The following GSPT1 variants were observed in gnomAD, a reference collection of about 807,000 sequenced individuals.
The protein encoded by GSPT1 is eukaryotic peptide chain release factor GTP-binding subunit ERF3A.
Under a neutral mutation model 72.5 loss-of-function variants are expected in GSPT1, and 20 were observed. The ratio of observed to expected loss-of-function variants is 0.28; its 90% CI spans 0.19 to 0.40. The LOEUF (loss-of-function observed/expected upper bound fraction) is 0.40, where lower values mean the gene tolerates loss of function less well. GSPT1 is among the 10% of genes least tolerant of loss of function. The probability of loss-of-function intolerance (pLI) is 1.00; values close to 1 mark genes in which losing one functional copy is unlikely to be tolerated. For missense variants in GSPT1, 580 were observed against 811.9 expected, an observed-to-expected ratio of 0.71 and a Z score of 3.47; for synonymous variants, 334 against 293.5, an observed-to-expected ratio of 1.14 and a Z score of -1.41.
chr16:11,881,655 C>CTTTTTTTTTTTTTTTTTTTTTTTTTTT (rs140995097), intron 11 of GSPT1: 1 of 92,750 alleles, frequency 1.1e-5, no homozygotes, highest in African/African-American at 3.9e-5. Flanking sequence ...ACTTCCATAG[C>CTTTTTTTTTTTTTTTTTTTTTTTTTTT]TTTTTTTTTT....
At chr16:11,899,481 A>G (rs1247094210) in intron 1 of GSPT1, among the ~76,000 whole-genome samples, 1 of 152,122 alleles carries the variant, frequency 6.6e-6, no homozygotes, top group Admixed American at 6.6e-5. Context: ...CAACCAAGCA[A>G]TACAACTAGG....
chr16:11,915,211 G>T, intron 1 of GSPT1, 158 bp downstream of exon 1: 1 of 1,096,868 alleles, frequency 9.1e-7, no homozygotes, highest in African/African-American at 1.7e-5. Flanking sequence ...CGCGAAGGCC[G>T]GCTCCCGGGC....
intron 5 of GSPT1, among the ~76,000 whole-genome samples, 190 bp from the exon 6 acceptor site, chr16:11,891,329 CA>C (rs1475844243): frequency 1.4e-4 from 20 of 146,304 alleles, no homozygotes; most frequent in African/African-American, 5.0e-4. Flanking sequence ...ATATATTACA[CA>C]TTTTTATATA....
At chr16:11,891,230 A>G in intron 5 of GSPT1, 91 bp from the exon 6 acceptor site, 1 of 597,096 alleles carries the variant, frequency 1.7e-6, no homozygotes. Context: ...GAAAATTTCA[A>G]CGTCAGAAAA....
chr16:11,878,594 T>TA (rs71136693), intron 11 of GSPT1, among the ~76,000 whole-genome samples: 3,512 of 131,002 alleles, frequency 0.027, 116 homozygotes, highest in Admixed American at 0.096. Context: ...ACCCTGTCTT[T>TA]AAAAAAAAAA....
Position 11,915,897 on chromosome 16 carries a change from C to G in GSPT1, c.-177G>C. The G allele has an allele frequency of 2.2e-6, 2 of 915,502 alleles. No individual in the cohort carries two copies. Among genetic ancestry groups the G allele is most frequent in the Non-Finnish European group, 3.6e-6 (2 of 562,946 alleles). The allele number at this position is 915,502 out of a possible 1,614,324, so 56.7% of individuals were successfully genotyped here. A position where few individuals can be genotyped will look rare whatever the true frequency, so the allele number is the denominator to read the frequency against. On this transcript the variant is annotated 5_prime_UTR_variant, in exon 1 of 15. Transcript: ENST00000434724. ...GCAGCTCCAGTCCCGACTCCACACT[C>G]GCGACGACGACAGAGGCGGCGGCGG...
At chr16:11,906,317 G>A (rs932507441) in intron 1 of GSPT1, among the ~76,000 whole-genome samples, 2 of 152,128 alleles carry the variant, frequency 1.3e-5, no homozygotes, top group Non-Finnish European at 2.9e-5. Context: ...TCTAAGAAGG[G>A]GTTAGGGAAA....
intron 1 of GSPT1, among the ~76,000 whole-genome samples, chr16:11,906,261 C>T (rs1192868646): frequency 6.6e-6 from 1 of 152,064 alleles, no homozygotes; most frequent in African/African-American, 2.4e-5. Flanking sequence ...CATTGCATTT[C>T]CATTAGGGCT....
chr16:11,904,215 A>G (rs1567449790), intron 1 of GSPT1: 2 of 157,772 alleles, frequency 1.3e-5, no homozygotes, highest in African/African-American at 2.4e-5. Context: ...ATTTTATTTT[A>G]TTTATTTATT....
At chr16:11,903,320 G>C (rs1476618123) in intron 1 of GSPT1, among the ~76,000 whole-genome samples, 1 of 151,958 alleles carries the variant, frequency 6.6e-6, no homozygotes, top group Non-Finnish European at 1.5e-5. Context: ...AGACCAGCCT[G>C]GCCAACATGG....
At chr16:11,911,059 C>T (rs2054551048) in intron 1 of GSPT1, among the ~76,000 whole-genome samples, 1 of 152,198 alleles carries the variant, frequency 6.6e-6, no homozygotes, top group South Asian at 2.1e-4. Context: ...TCTCCTCTAC[C>T]CCATCTGCTG....
At chr16:11,914,265 T>A (rs1376499233) in intron 1 of GSPT1, among the ~76,000 whole-genome samples, 2 of 152,178 alleles carry the variant, frequency 1.3e-5, no homozygotes, top group Non-Finnish European at 2.9e-5. Context: ...TCATTTGACA[T>A]TCCCACAAAA....
At chr16:11,910,019 C>G (rs2054538330) in intron 1 of GSPT1, among the ~76,000 whole-genome samples, 1 of 152,000 alleles carries the variant, frequency 6.6e-6, no homozygotes, top group South Asian at 2.1e-4. Flanking sequence ...ATCACTTGAG[C>G]CCAGGGATTT....
chr16:11,912,528 G>C (rs1278368784), intron 1 of GSPT1, among the ~76,000 whole-genome samples: 2 of 152,266 alleles, frequency 1.3e-5, no homozygotes, highest in East Asian at 3.9e-4. Context: ...TTTATTCCAT[G>C]CTTGTTTCTT....
At chr16:11,878,571 G>C (rs1238223541) in intron 11 of GSPT1, among the ~76,000 whole-genome samples, 3 of 147,624 alleles carry the variant, frequency 2.0e-5, no homozygotes, top group Non-Finnish European at 3.0e-5. Flanking sequence ...TGTAGCCTGA[G>C]TGACACAGCG....
At chr16:11,900,009 T>C (rs969433364) in intron 1 of GSPT1, among the ~76,000 whole-genome samples, 1 of 152,166 alleles carries the variant, frequency 6.6e-6, no homozygotes, top group African/African-American at 2.4e-5. Context: ...CCATCTGCTA[T>C]GTAACTACTC....
intron 9 of GSPT1, among the ~76,000 whole-genome samples, chr16:11,886,140 G>C (rs1241456724): frequency 6.6e-6 from 1 of 151,952 alleles, no homozygotes; most frequent in African/African-American, 2.4e-5. Context: ...AACCTTTTGT[G>C]CTTCAAAGGA....
intron 1 of GSPT1, chr16:11,914,845 G>A: frequency 2.4e-6 from 1 of 416,858 alleles, no homozygotes; most frequent in Non-Finnish European, 4.4e-6. Context: ...CTTCAGGACG[G>A]TTGGGGGCCA....
rs1005885813 is a variant in GSPT1, at chr16:11,897,898, A to G, written c.395-17T>C. On this transcript the variant is annotated splice_polypyrimidine_tract_variant and intron_variant, in intron 2 of 14. Coordinates refer to ENST00000434724, the MANE Select transcript of GSPT1 (RefSeq NM_002094.4). Reference sequence around the variant, plus strand: ...AATTTGAACCTAGACAAGAGATTGAAATATAATATATATTTACCAAACAGT... The same window carrying G: ...AATTTGAACCTAGACAAGAGATTGAGATATAATATATATTTACCAAACAGT... 1 of 1,514,156 alleles carries G rather than the reference A, an allele frequency of 6.6e-7. No individual in the cohort carries two copies. Among genetic ancestry groups the G allele is most frequent in the Non-Finnish European group, 9.0e-7 (1 of 1,109,834 alleles). The allele number at this position is 1,514,156 out of a possible 1,614,324, so 93.8% of individuals were successfully genotyped here. A position where few individuals can be genotyped will look rare whatever the true frequency, so the allele number is the denominator to read the frequency against.
Sources: allele counts gnomAD v4.1 joint callset (sites outside exome capture counted in the v4.1 genomes callset), GRCh38; gene constraint gnomAD v4.1.1; transcripts MANE v1.5; gene names NCBI Gene and HGNC (gene_info 2026-07-23, HGNC 2026-07-21).